The following ELAVL2 variants were observed in gnomAD, a reference collection of about 807,000 sequenced individuals.
The protein encoded by ELAVL2 is ELAV-like protein 2.
In ELAVL2, 4 loss-of-function variants were observed where a neutral mutation model predicts 34.6. The observed-to-expected ratio is 0.12, with a 90% confidence interval of 0.06 to 0.26. ELAVL2 has a LOEUF of 0.26. Ranked by LOEUF, ELAVL2 falls within the 10% of genes least tolerant of loss-of-function variation. ELAVL2 has a pLI of 1.00. For synonymous variants in ELAVL2, 193 were observed against 154.8 expected, an observed-to-expected ratio of 1.25 and a Z score of -1.83; for missense variants, 432 against 442.8, an observed-to-expected ratio of 0.98 and a Z score of 0.22.
chr9:23,758,838 G>C (rs1337205993), intron 2 of ELAVL2, among the ~76,000 whole-genome samples: 2 of 152,010 alleles, frequency 1.3e-5, no homozygotes, highest in African/African-American at 4.8e-5. Context: ...CTTAAATAAA[G>C]AACTACAGAG....
intron 6 of ELAVL2, 29 bp from the exon 7 acceptor site, chr9:23,692,913 T>A (rs771122690): frequency 3.8e-6 from 6 of 1,589,584 alleles, no homozygotes; most frequent in Non-Finnish European, 5.2e-6. Context: ...AATACACACA[T>A]ACACACAAAA....
chr9:23,783,772 A>AT (rs1222490520), intron 1 of ELAVL2, among the ~76,000 whole-genome samples: 1 of 152,032 alleles, frequency 6.6e-6, no homozygotes, highest in Non-Finnish European at 1.5e-5. Context: ...AGAAGGAGAG[A>AT]TTGTATCTGG....
At chr9:23,787,554 G>A (rs1244473173) in intron 1 of ELAVL2, among the ~76,000 whole-genome samples, 10 of 148,860 alleles carry the variant, frequency 6.7e-5, no homozygotes, top group Non-Finnish European at 1.3e-4. Context: ...TTCAAATGAG[G>A]AAATAGGCTT....
intron 3 of ELAVL2, among the ~76,000 whole-genome samples, chr9:23,712,126 G>C (rs2041132968): frequency 6.6e-6 from 1 of 152,132 alleles, no homozygotes; most frequent in African/African-American, 2.4e-5. Flanking sequence ...AGAAAATACA[G>C]TGATCATTTA....
chr9:23,784,515 G>A (rs2059452337), intron 1 of ELAVL2, among the ~76,000 whole-genome samples: 1 of 152,204 alleles, frequency 6.6e-6, no homozygotes, highest in Non-Finnish European at 1.5e-5. Context: ...GGGGCAGTGG[G>A]ACTGGTGAAT....
chr9:23,747,452 A>G (rs2135440641), intron 2 of ELAVL2, among the ~76,000 whole-genome samples: 1 of 152,342 alleles, frequency 6.6e-6, no homozygotes, highest in East Asian at 1.9e-4. Context: ...GGCTCTCTTC[A>G]ACAGATAGTC....
At chr9:23,754,506 G>A (rs948176432) in intron 2 of ELAVL2, among the ~76,000 whole-genome samples, 1 of 151,724 alleles carries the variant, frequency 6.6e-6, no homozygotes, top group Non-Finnish European at 1.5e-5. Flanking sequence ...AGGCTGAAAT[G>A]CAAGTGCGGT....
rs115981853 is a variant in ELAVL2 at position 23,744,578 on chromosome 9, T to C, written c.230-13453A>G. Among the ~76,000 whole-genome samples, 1,055 of 152,226 alleles carry C rather than the reference T, an allele frequency of 6.9e-3. 22 individuals carry two copies. Among genetic ancestry groups the C allele is most frequent in the African/African-American group, 0.024 (1,004 of 41,534 alleles). ...TAACCTATTAAGTGCTTATTCTAGT[T>C]ATCCTAATTGACAACAACATTATTA... On this transcript the variant is annotated intron_variant, in intron 2 of 6. Transcript: ENST00000397312.
chr9:23,826,975 T>C (rs535651339), upstream of ELAVL2, among the ~76,000 whole-genome samples: 1 of 152,352 alleles, frequency 6.6e-6, no homozygotes, highest in African/African-American at 2.4e-5. Context: ...AAGTCAGAAA[T>C]GCTCTCAAAT....
chr9:23,755,342 T>C (rs746734379), intron 2 of ELAVL2, among the ~76,000 whole-genome samples: 9 of 152,270 alleles, frequency 5.9e-5, no homozygotes, highest in South Asian at 2.1e-4. Context: ...ACACTGAAAA[T>C]TGTTCTATAA....
chr9:23,760,190 C>T (rs2054630509), intron 2 of ELAVL2, among the ~76,000 whole-genome samples: 2 of 151,848 alleles, frequency 1.3e-5, no homozygotes, highest in Non-Finnish European at 2.9e-5. Context: ...AGAGGTGAGA[C>T]GTGAGGATCT....
chr9:23,791,788 T>C (rs772282337), intron 1 of ELAVL2, among the ~76,000 whole-genome samples: 1 of 152,178 alleles, frequency 6.6e-6, no homozygotes, highest in African/African-American at 2.4e-5. Flanking sequence ...TACCAAAACC[T>C]TGATCTTGGT....
At chr9:23,779,241 C>T (rs1032751457) in intron 1 of ELAVL2, 3 of 985,414 alleles carry the variant, frequency 3.0e-6, no homozygotes, top group Non-Finnish European at 2.4e-6. Context: ...TCTTACTTCA[C>T]ACTTTTTCTG....
chr9:23,718,306 A>G (rs570276356), intron 3 of ELAVL2, among the ~76,000 whole-genome samples: 2 of 152,262 alleles, frequency 1.3e-5, no homozygotes, highest in South Asian at 2.1e-4. Context: ...TATCTACATT[A>G]CAAGTAAACC....
At chr9:23,780,354 G>C (rs1187269381) in intron 1 of ELAVL2, among the ~76,000 whole-genome samples, 3 of 152,082 alleles carry the variant, frequency 2.0e-5, no homozygotes, top group Non-Finnish European at 4.4e-5. Context: ...AAAGTGTTTA[G>C]GGTTCCCCCT....
chr9:23,704,891 G>C, intron 4 of ELAVL2, 27 bp downstream of exon 4: 2 of 1,612,470 alleles, frequency 1.2e-6, no homozygotes, highest in Middle Eastern at 3.3e-4. Context: ...GACAGGGAAA[G>C]ACTGTCCGGA....
intron 4 of ELAVL2, among the ~76,000 whole-genome samples, chr9:23,704,700 C>A (rs1324963155): frequency 2.0e-5 from 3 of 152,154 alleles, no homozygotes; most frequent in Non-Finnish European, 4.4e-5. Flanking sequence ...CAATCCTGCA[C>A]CTTCAGGGTG....
chr9:23,812,952 A>C (rs1250580567), intron 1 of ELAVL2, among the ~76,000 whole-genome samples: 2 of 152,110 alleles, frequency 1.3e-5, no homozygotes, highest in Non-Finnish European at 2.9e-5. Flanking sequence ...AGCTACATTA[A>C]TGCTGGGTTG....
At chr9:23,778,694 G>C (rs1006813024) in intron 1 of ELAVL2, among the ~76,000 whole-genome samples, 1 of 152,126 alleles carries the variant, frequency 6.6e-6, no homozygotes, top group African/African-American at 2.4e-5. Context: ...TACTGGGGGA[G>C]GGAGGGGGTT....
Sources: gnomAD v4.1 joint callset for allele counts (sites outside exome capture counted in the v4.1 genomes callset) on GRCh38, gnomAD v4.1.1 for gene constraint, MANE v1.5 for transcripts, NCBI Gene and HGNC (gene_info 2026-07-23, HGNC 2026-07-21) for gene names.